Variants in TMEM43 observed in about 807,000 individuals in gnomAD.
TMEM43 encodes arrhythmogenic right ventricular dysplasia 5.
In TMEM43, 45 loss-of-function variants were observed where a neutral mutation model predicts 49.6. The observed-to-expected ratio is 0.91, with a 90% CI of 0.71 to 1.16. The LOEUF is 1.16. Ranked by LOEUF, TMEM43 falls within the 50% of genes most tolerant of loss-of-function variation. TMEM43 has a pLI of 0.00. For synonymous variants in TMEM43, 199 were observed against 207.8 expected (o/e 0.96, Z 0.36); for missense variants, 532 against 516.6 (o/e 1.03, Z -0.29).
At chr3:14,135,703 C>T (rs1189674671) in intron 9 of TMEM43, 104 bp from the exon 10 acceptor site, 5 of 907,418 alleles carry the variant, frequency 5.5e-6, no homozygotes, top group East Asian at 2.5e-5. Context: ...TTTCTGTGCT[C>T]ACTTCCCCAG....
In TMEM43 at chr3:14,130,863, C is replaced by G. The variant is rs752403292; in HGVS notation, c.204C>G (p.Leu68=). 1.2e-6 allele frequency: 2 copies of G among 1,613,828 alleles called. No individual in the cohort carries two copies. Among genetic ancestry groups the G allele is most frequent in the East Asian group, 2.2e-5 (1 of 44,884 alleles). ...CGGCAACCTCATTGGCTGAGGGGCTCTCGCTTGTGGTGTCTCCCGACAGCA... is the reference window on the plus strand; with the variant it reads ...CGGCAACCTCATTGGCTGAGGGGCTGTCGCTTGTGGTGTCTCCCGACAGCA... The part of the protein sequence containing the change: ...LKTATSLAEG[L]SLVVSPDSIH... Residue 68 remains leucine, a synonymous_variant, in exon 3 of 12, where the codon CTC becomes CTG. Coordinates refer to ENST00000306077, the MANE Select transcript of TMEM43 (RefSeq NM_024334.3).
At chr3:14,128,033 G>A (rs1002010361) in intron 1 of TMEM43, among the ~76,000 whole-genome samples, 7 of 152,050 alleles carry the variant, frequency 4.6e-5, no homozygotes, top group Admixed American at 3.3e-4. Context: ...TGCTTACCAC[G>A]CCCTAGGCCC....
intron 9 of TMEM43, 43 bp downstream of exon 9, chr3:14,135,275 C>T (rs745349532): frequency 1.6e-5 from 25 of 1,538,008 alleles, no homozygotes; most frequent in African/African-American, 4.1e-5. Context: ...CAGAGCCTCA[C>T]GACTTTCCTG....
intron 3 of TMEM43, 38 bp downstream of exon 3, chr3:14,130,994 G>T: frequency 6.3e-7 from 1 of 1,593,102 alleles, no homozygotes; most frequent in Non-Finnish European, 8.6e-7. Context: ...CCAGTGGCTC[G>T]GGGCTCATCC....
chr3:14,136,436 C>T (rs375379837), intron 10 of TMEM43, among the ~76,000 whole-genome samples: 4 of 152,270 alleles, frequency 2.6e-5, no homozygotes, highest in East Asian at 1.9e-4. Flanking sequence ...GACAGAAACT[C>T]GTAAGTACTG....
In TMEM43 at chr3:14,135,918, G is replaced by A. The variant is rs1695163732; in HGVS notation, c.882+10G>A. 6.2e-7 allele frequency: 1 copy of A among 1,610,206 alleles called. No homozygotes were observed. Among genetic ancestry groups the A allele is most frequent in the African/African-American group, 1.3e-5 (1 of 75,022 alleles). On this transcript the variant is annotated intron_variant, in intron 10 of 11. Transcript: ENST00000306077. ...GGACTTCTCAGCAGAGGTGAGTGCTGTGCCCTACTCGTACGGTGGAGGAAC... is the reference window on the plus strand; with the variant it reads ...GGACTTCTCAGCAGAGGTGAGTGCTATGCCCTACTCGTACGGTGGAGGAAC...
chr3:14,137,549 C>G (rs558878089), intron 10 of TMEM43, among the ~76,000 whole-genome samples: 3 of 152,316 alleles, frequency 2.0e-5, no homozygotes, highest in Non-Finnish European at 4.4e-5. Context: ...GGTCTGGGGT[C>G]TCTGCCAAGT....
At chr3:14,129,328 A>T in intron 1 of TMEM43, 84 bp from the exon 2 acceptor site, 2 of 1,092,144 alleles carry the variant, frequency 1.8e-6, no homozygotes, top group Non-Finnish European at 2.5e-6. Context: ...AAAAAAAAAA[A>T]AAAAAATTGA....
At position 14,135,916 on chromosome 3, in the gene TMEM43, C is replaced by T. The variant is rs920512368; in HGVS notation, c.882+8C>T. On this transcript the variant is annotated splice_region_variant and intron_variant, in intron 10 of 11. Coordinates refer to ENST00000306077, the MANE Select transcript of TMEM43 (RefSeq NM_024334.3). ...GGGGACTTCTCAGCAGAGGTGAGTG[C>T]TGTGCCCTACTCGTACGGTGGAGGA... 1.2e-5 allele frequency: 20 copies of T among 1,609,650 alleles called. No individual in the cohort carries two copies. Among genetic ancestry groups the T allele is most frequent in the Non-Finnish European group, 1.7e-5 (20 of 1,176,018 alleles).
Position 14,134,886 on chromosome 3 carries a change from C to G in TMEM43, c.700C>G (p.Pro234Ala). 1.9e-6 allele frequency: 3 copies of G among 1,614,170 alleles called. No individual in the cohort carries two copies. Among genetic ancestry groups the G allele is most frequent in the Non-Finnish European group, 2.5e-6 (3 of 1,180,026 alleles). The change falls in exon 8 of 12, where the codon CCA becomes GCA. Residue 234 changes from proline to alanine, a missense_variant. Transcript: ENST00000306077. Reference sequence around the variant, plus strand: ...CTACCACAGCGAAAATCCCAAGTATCCAGAGGTGTGCGGAGAGGCCTGGGC... The same window carrying G: ...CTACCACAGCGAAAATCCCAAGTATGCAGAGGTGTGCGGAGAGGCCTGGGC... ...FFYHSENPKY[P>A]EVGDLRVSFS...
intron 1 of TMEM43, among the ~76,000 whole-genome samples, chr3:14,125,787 C>T (rs973840322): frequency 6.6e-6 from 1 of 152,234 alleles, no homozygotes; most frequent in East Asian, 1.9e-4. Context: ...ACTGTCGGGG[C>T]CCCTCCTCCC....
Position 14,133,894 on chromosome 3 carries a change from A to G in TMEM43, c.583+85A>G, listed in dbSNP as rs1471259647. On this transcript the variant is annotated intron_variant, in intron 7 of 11. Transcript: ENST00000306077. ...GGAGCTCCCAGTACTCAGCCTTCAG[A>G]GGGCTAAAGGCACAGGATCAGTCTG... is the stretch of plus-strand genomic sequence containing the variant. The G allele has an allele frequency of 3.3e-6, 4 of 1,204,380 alleles. No individual in the cohort carries two copies. In the African/African-American group the frequency reaches 6.0e-5, roughly 18 times the overall value. 74.6% of individuals were successfully genotyped at this position (1,204,380 alleles called of 1,614,324 possible).
intron 7 of TMEM43, 147 bp from the exon 8 acceptor site, chr3:14,134,623 C>A: frequency 9.2e-7 from 1 of 1,082,388 alleles, no homozygotes. Context: ...AAGCCGTGGA[C>A]GAGACAGAGT....
chr3:14,142,100 T>C lies in TMEM43; in HGVS notation c.*305T>C. 1 of 440,416 alleles carries C rather than the reference T, an allele frequency of 2.3e-6. No individual in the cohort carries two copies. 27.3% of individuals were successfully genotyped at this position (440,416 alleles called of 1,614,324 possible). On this transcript the variant is annotated 3_prime_UTR_variant, in exon 12 of 12. Transcript: ENST00000306077. ...GGACTGAGTGGGTACGGCCAGCCAC[T>C]CAGCCCATTGGCAGCTGACAACGCA...
intron 10 of TMEM43, among the ~76,000 whole-genome samples, chr3:14,138,451 G>A (rs1695204647): frequency 1.3e-5 from 2 of 152,188 alleles, no homozygotes; most frequent in South Asian, 4.1e-4. Flanking sequence ...GGGGTGGTAG[G>A]GGAGGAGCGA....
chr3:14,128,351 G>C (rs1406132771), intron 1 of TMEM43, among the ~76,000 whole-genome samples: 1 of 152,106 alleles, frequency 6.6e-6, no homozygotes, highest in Non-Finnish European at 1.5e-5. Context: ...TTCCTCCACT[G>C]CTCCCACCCA....
intron 11 of TMEM43, 25 bp downstream of exon 11, chr3:14,139,322 C>A: frequency 6.5e-7 from 1 of 1,528,744 alleles, no homozygotes; most frequent in Non-Finnish European, 9.1e-7. Flanking sequence ...GGGTCACTGC[C>A]CTCCCTCCTG....
At chr3:14,125,931 C>T (rs1695014205) in intron 1 of TMEM43, among the ~76,000 whole-genome samples, 1 of 152,138 alleles carries the variant, frequency 6.6e-6, no homozygotes, top group African/African-American at 2.4e-5. Context: ...CCTACCAGGG[C>T]GCTGGGTGTG....
rs764377071 is a variant in TMEM43, at chr3:14,135,157, G to T, written c.706-1G>T. 3.1e-6 allele frequency: 5 copies of T among 1,611,820 alleles called. No individual in the cohort carries two copies. In the African/African-American group the frequency reaches 6.7e-5, roughly 22 times the overall value. On this transcript the variant is annotated splice_acceptor_variant, in intron 8 of 11. Transcript: ENST00000306077. LOFTEE classifies it high-confidence loss of function. ...TCTCCCTGCTTCTCTTCCACCCCCA[G>T]GTGGGAGACTTGCGTGTCTCCTTTT...
Sources: gnomAD v4.1 joint callset for allele counts (sites outside exome capture counted in the v4.1 genomes callset) on GRCh38, gnomAD v4.1.1 for gene constraint, MANE v1.5 for transcripts, NCBI Gene and HGNC (gene_info 2026-07-23, HGNC 2026-07-21) for gene names.